The following DENND2B variants were observed in gnomAD, a reference collection of about 807,000 sequenced individuals.
DENND2B encodes DENN domain containing 2B.
In DENND2B, 32 loss-of-function variants were observed where a neutral mutation model predicts 116.0. The ratio of observed to expected loss-of-function variants is 0.28; its 90% CI spans 0.21 to 0.37. The LOEUF (loss-of-function observed/expected upper bound fraction) is 0.37, where lower values mean the gene tolerates loss of function less well. DENND2B is among the 10% of genes least tolerant of loss of function. The pLI is 1.00. For missense variants in DENND2B, 1,276 were observed against 1,477.7 expected (o/e 0.86, Z 2.24); for synonymous variants, 588 against 583.9 (o/e 1.01, Z -0.10).
chr11:8,858,049 AGCATTTTCT>A (rs1207946325), intron 2 of DENND2B, among the ~76,000 whole-genome samples: 2 of 152,172 alleles, frequency 1.3e-5, no homozygotes, highest in African/African-American at 4.8e-5. Flanking sequence ...AAGATTTCTG[AGCATTTTCT>A]TGGCCATGTT....
intron 2 of DENND2B, chr11:8,877,514 C>T (rs1831275686): frequency 6.6e-6 from 1 of 151,996 alleles, no homozygotes; most frequent in African/African-American, 2.4e-5. Context: ...GCACTTGAAC[C>T]AGCCTGAAGA....
intron 3 of DENND2B, among the ~76,000 whole-genome samples, chr11:8,846,953 C>T (rs972998497): frequency 3.3e-5 from 5 of 152,064 alleles, no homozygotes; most frequent in African/African-American, 7.3e-5. Flanking sequence ...GGGACACCTA[C>T]TTGCTTACAG....
At chr11:8,711,012 C>T in intron 10 of DENND2B, 98 bp from the exon 11 acceptor site, 1 of 1,569,556 alleles carries the variant, frequency 6.4e-7, no homozygotes, top group Non-Finnish European at 8.7e-7. Context: ...GGTGAAGGGC[C>T]AGGTTGCTGT....
chr11:8,731,101 G>C lies in DENND2B; in HGVS notation c.189C>G (p.Ser63=). The C allele has an allele frequency of 6.2e-7, 1 of 1,608,680 alleles. No homozygotes were observed. Among genetic ancestry groups the C allele is most frequent in the Non-Finnish European group, 8.5e-7 (1 of 1,176,562 alleles). ...GGTGCCGGTCCTTGAGGAGCACCCG[G>C]GAGCTGGAGTGGCTGGGGTACCTGC... ...SACRYPSHSS[S]RVLLKDRHPP... is the part of the protein sequence containing the mutation. The change falls in exon 3 of 20, where the codon TCC becomes TCG. Residue 63 remains serine (S), a synonymous_variant. Transcript: ENST00000313726.
chr11:8,869,663 A>T (rs1321147979), intron 2 of DENND2B, among the ~76,000 whole-genome samples: 5 of 152,154 alleles, frequency 3.3e-5, no homozygotes, highest in Admixed American at 1.3e-4. Context: ...CTCGAAAAAA[A>T]AAAAGAAAAA....
chr11:8,716,072 G>C (rs1301234991), intron 5 of DENND2B, among the ~76,000 whole-genome samples: 1 of 152,214 alleles, frequency 6.6e-6, no homozygotes, highest in Non-Finnish European at 1.5e-5. Flanking sequence ...AAAAACACCT[G>C]TGCTCTCATC....
intron 2 of DENND2B, among the ~76,000 whole-genome samples, chr11:8,749,189 T>C (rs1396209777): frequency 2.0e-5 from 3 of 152,126 alleles, no homozygotes; most frequent in Non-Finnish European, 4.4e-5. Flanking sequence ...GAGCAGGCAA[T>C]GGGAGATAAA....
At chr11:8,723,490 A>C (rs566057464) in intron 4 of DENND2B, among the ~76,000 whole-genome samples, 2 of 152,266 alleles carry the variant, frequency 1.3e-5, no homozygotes, top group South Asian at 2.1e-4. Flanking sequence ...GAGAGAAGGG[A>C]AAGAGGAGGG....
chr11:8,724,034 G>A (rs907852094), intron 4 of DENND2B, among the ~76,000 whole-genome samples: 3 of 152,094 alleles, frequency 2.0e-5, no homozygotes, highest in Non-Finnish European at 4.4e-5. Context: ...TCTGGCTCAC[G>A]CCTATAATCC....
At chr11:8,791,894 A>T (rs2059412175) in intron 1 of DENND2B, among the ~76,000 whole-genome samples, 1 of 152,208 alleles carries the variant, frequency 6.6e-6, no homozygotes, top group South Asian at 2.1e-4. Context: ...AGGTTATCTT[A>T]GGTTTTCTTA....
chr11:8,839,767 C>G (rs1241229197), intron 3 of DENND2B, among the ~76,000 whole-genome samples: 1 of 152,200 alleles, frequency 6.6e-6, no homozygotes, highest in Non-Finnish European at 1.5e-5. Flanking sequence ...ACCCTTGCAT[C>G]AACACCTCAG....
chr11:8,781,567 T>C (rs1043040231), intron 1 of DENND2B, among the ~76,000 whole-genome samples: 1 of 152,036 alleles, frequency 6.6e-6, no homozygotes, highest in African/African-American at 2.4e-5. Context: ...CATATACTGT[T>C]GGATGTTCTG....
At chr11:8,780,893 GA>G (rs1483541087) in intron 1 of DENND2B, among the ~76,000 whole-genome samples, 2 of 152,122 alleles carry the variant, frequency 1.3e-5, no homozygotes, top group Non-Finnish European at 2.9e-5. Context: ...AGCTCAGGCT[GA>G]ACAGAAAAAT....
At chr11:8,864,838 C>T (rs1398651847) in intron 2 of DENND2B, among the ~76,000 whole-genome samples, 1 of 152,102 alleles carries the variant, frequency 6.6e-6, no homozygotes, top group African/African-American at 2.4e-5. Context: ...TCTAGTTAGC[C>T]GCCTCCAAAA....
At chr11:8,747,131 A>G (rs2051408023) in intron 2 of DENND2B, among the ~76,000 whole-genome samples, 1 of 152,202 alleles carries the variant, frequency 6.6e-6, no homozygotes, top group African/African-American at 2.4e-5. Context: ...TAGTTGACTA[A>G]TCAACAAATA....
chr11:8,718,545 C>T, intron 4 of DENND2B: 1 of 1,429,358 alleles, frequency 7.0e-7, no homozygotes, highest in Non-Finnish European at 9.1e-7. Flanking sequence ...TGTTCGATGA[C>T]TCTCCTACTG....
At chr11:8,847,854 C>T (rs1185570937) in intron 3 of DENND2B, among the ~76,000 whole-genome samples, 1 of 152,004 alleles carries the variant, frequency 6.6e-6, no homozygotes, top group Non-Finnish European at 1.5e-5. Context: ...AAAGCATGCA[C>T]AAGATGACAA....
At chr11:8,834,002 T>G (rs889349404) in intron 4 of DENND2B, among the ~76,000 whole-genome samples, 15 of 152,176 alleles carry the variant, frequency 9.9e-5, no homozygotes, top group African/African-American at 3.6e-4. Flanking sequence ...GCATGCTGCT[T>G]TTTTCAGAGA....
chr11:8,746,089 G>A (rs1341476868), intron 2 of DENND2B, among the ~76,000 whole-genome samples: 1 of 151,392 alleles, frequency 6.6e-6, no homozygotes, highest in Non-Finnish European at 1.5e-5. Flanking sequence ...AGCATCTCGA[G>A]TAACAGGGGC....
Sources: allele counts gnomAD v4.1 joint callset (sites outside exome capture counted in the v4.1 genomes callset), GRCh38; gene constraint gnomAD v4.1.1; transcripts MANE v1.5; gene names NCBI Gene and HGNC (gene_info 2026-07-23, HGNC 2026-07-21).